Variants in RIPK1 observed in about 807,000 individuals in gnomAD.
RIPK1 encodes the protein receptor interacting serine/threonine kinase 1, also known as receptor-interacting serine/threonine-protein kinase 1.
A neutral mutation model predicts 62.4 loss-of-function variants in RIPK1; 27 were observed. The ratio of observed to expected loss-of-function variants is 0.43; its 90% CI spans 0.32 to 0.60. RIPK1 has a LOEUF of 0.60. Among genes scored for constraint, RIPK1 ranks in the 20% least tolerant of loss-of-function variants. The probability of loss-of-function intolerance (pLI) is 0.07; values close to 1 mark genes in which losing one functional copy is unlikely to be tolerated. For synonymous variants in RIPK1, 287 were observed against 303.2 expected (o/e 0.95, Z 0.55); for missense variants, 735 against 831.0 (o/e 0.88, Z 1.42).
At position 3,113,018 on chromosome 6, in the gene RIPK1, T is replaced by C; in HGVS notation, c.1730-35T>C. The C allele has an allele frequency of 6.6e-7, 1 of 1,506,974 alleles. No individual in the cohort carries two copies. Among genetic ancestry groups the C allele is most frequent in the Non-Finnish European group, 8.9e-7 (1 of 1,126,366 alleles). The allele number at this position is 1,506,974 out of a possible 1,614,324, so 93.4% of individuals were successfully genotyped here. A position where few individuals can be genotyped will look rare whatever the true frequency, so the allele number is the denominator to read the frequency against. Reference sequence around the variant, plus strand: ...GAAGCTGGAATGTTTGAATGGGTTTTAGCTTGATACCTTCTTCTTTTTCCC... The same window carrying C: ...GAAGCTGGAATGTTTGAATGGGTTTCAGCTTGATACCTTCTTCTTTTTCCC... On this transcript the variant is annotated intron_variant, in intron 10 of 10. Transcript: ENST00000259808. The surrounding 1 kb of genome is among the most constrained non-coding windows in gnomAD (Gnocchi z 5.0).
chr6:3,109,607 T>G (rs1413988167), intron 9 of RIPK1, among the ~76,000 whole-genome samples: 4 of 152,228 alleles, frequency 2.6e-5, no homozygotes, highest in Non-Finnish European at 5.9e-5. Flanking sequence ...TTCTGTTTTC[T>G]GACTTGGTGT....
chr6:3,090,795 G>GCA (rs1760025203), intron 7 of RIPK1, among the ~76,000 whole-genome samples: 1 of 128,706 alleles, frequency 7.8e-6, no homozygotes, highest in African/African-American at 3.3e-5. Context: ...ACCGCAGAGC[G>GCA]CCTACCTGCC....
intron 7 of RIPK1, among the ~76,000 whole-genome samples, chr6:3,099,235 G>A (rs1041049066): frequency 6.6e-6 from 1 of 152,194 alleles, no homozygotes; most frequent in African/African-American, 2.4e-5. Context: ...ATATTTAATA[G>A]AGTGCCTACA....
rs377098078 is a variant in RIPK1 at position 3,105,713 on chromosome 6, G to A, written c.1238G>A (p.Arg413His). 11 of 1,613,528 alleles carry A rather than the reference G, an allele frequency of 6.8e-6. No homozygotes were observed. In the African/African-American group the frequency reaches 9.3e-5, roughly 14 times the overall value. Residue 413 changes from arginine to histidine, a missense_variant, in exon 9 of 11, where the codon CGC (arginine) becomes CAC (histidine). Physicochemically the swap from Arg to His is conservative, Grantham distance 29. Coordinates refer to ENST00000259808, the MANE Select transcript of RIPK1 (RefSeq NM_001354930.2). This position sits in a 1 kb window ranked among gnomAD's most constrained non-coding sequence, Gnocchi z 4.5. ...VAYNREEERR[R>H]RVSHDPFAQQ... ...TACAACAGAGAGGAGGAAAGGAGAC[G>A]CAGGGTCTCCCATGACCCTTTTGCA...
chr6:3,098,931 G>A (rs778315084), intron 7 of RIPK1, among the ~76,000 whole-genome samples: 1 of 152,178 alleles, frequency 6.6e-6, no homozygotes, highest in South Asian at 2.1e-4. Context: ...TTATCCCCTC[G>A]CCTTTCTCAG....
At position 3,105,943 on chromosome 6, in the gene RIPK1, T is replaced by C; in HGVS notation, c.1468T>C (p.Tyr490His). Residue 490 changes from tyrosine to histidine, a missense_variant, in exon 9 of 11, where the codon TAC becomes CAC. Physicochemically the swap from Tyr to His is moderately conservative, Grantham distance 83. Coordinates refer to ENST00000259808, the MANE Select transcript of RIPK1 (RefSeq NM_001354930.2). This position sits in a 1 kb window ranked among gnomAD's most constrained non-coding sequence, Gnocchi z 4.5. Reference protein sequence around the residue: ...DPGTAGPRVWYRPIPSHMPSL... With the variant: ...DPGTAGPRVWHRPIPSHMPSL... Reference sequence around the variant, plus strand: ...AGGAACAGCAGGTCCCAGAGTTTGGTACAGGCCAATTCCAAGTCATATGCC... The same window carrying C: ...AGGAACAGCAGGTCCCAGAGTTTGGCACAGGCCAATTCCAAGTCATATGCC... 1.2e-6 allele frequency: 2 copies of C among 1,614,096 alleles called. No individual in the cohort carries two copies. The highest frequency in any genetic ancestry group is 1.7e-6 in the Non-Finnish European group (2 of 1,179,980).
chr6:3,070,863 A>C (rs561456560), intron 1 of RIPK1, among the ~76,000 whole-genome samples: 7 of 152,364 alleles, frequency 4.6e-5, no homozygotes, highest in African/African-American at 1.7e-4. Context: ...ATTATTTGCT[A>C]TCTAGAGAAG....
Position 3,077,953 on chromosome 6 carries a change from G to A in RIPK1, c.321+18G>A, listed in dbSNP as rs751555937. 12 of 1,612,190 alleles carry A rather than the reference G, an allele frequency of 7.4e-6. No individual in the cohort carries two copies. Among genetic ancestry groups the A allele is most frequent in the African/African-American group, 6.7e-5 (5 of 74,920 alleles). ...AAGCCGAGGTAGAGAGGGCCCCTCC[G>A]CACGGGGATCCCCAGCGCTTGGGCC... is the stretch of plus-strand genomic sequence containing the variant. On this transcript the variant is annotated intron_variant, in intron 3 of 10. Coordinates refer to ENST00000259808, the MANE Select transcript of RIPK1 (RefSeq NM_001354930.2).
chr6:3,110,860 A>C lies in RIPK1; in HGVS notation c.1634A>C (p.Asn545Thr), dbSNP rs756008869. ...NSTGIQIGAY[N>T]YMEIGGTSSS... ...ACTGGCATTCAGATTGGAGCCTACA[A>C]TTATATGGAGATTGGTGGGACGAGT... Residue 545 changes from asparagine to threonine, a missense_variant, in exon 10 of 11, where the codon AAT (asparagine) becomes ACT (threonine). Transcript: ENST00000259808. The C allele has an allele frequency of 4.9e-5, 78 of 1,602,838 alleles. No individual in the cohort carries two copies. In the Middle Eastern group the frequency reaches 1.2e-3, roughly 24 times the overall value.
At position 3,109,441 on chromosome 6, in the gene RIPK1, CAA is replaced by C. The variant is rs1292096230; in HGVS notation, c.1577-1361_1577-1360del. Among the ~76,000 whole-genome samples, 9 of 152,094 alleles carry C rather than the reference CAA, an allele frequency of 5.9e-5. No homozygotes were observed. The East Asian group carries it at 1.6e-3, about 26-fold the overall frequency. On this transcript the variant is annotated intron_variant, in intron 9 of 10. Transcript: ENST00000259808. Reference sequence around the variant, plus strand: ...GAAACAGTGAAAGGAAGATCAGAGACAAGAGGGTAGGGCAGAGCTGTGGCTAG... The same window carrying C: ...GAAACAGTGAAAGGAAGATCAGAGACGAGGGTAGGGCAGAGCTGTGGCTAG...
upstream of RIPK1, among the ~76,000 whole-genome samples, chr6:3,065,327 G>A (rs1581363732): frequency 6.6e-6 from 1 of 151,128 alleles, no homozygotes; most frequent in African/African-American, 2.4e-5. Context: ...GGCTGTGGCG[G>A]GGGTGGCTGG....
intron 9 of RIPK1, among the ~76,000 whole-genome samples, chr6:3,107,484 G>C (rs1424326287): frequency 7.1e-6 from 1 of 140,628 alleles, no homozygotes; most frequent in Non-Finnish European, 1.5e-5. Flanking sequence ...AGAATCACTT[G>C]AACCCGGGAG....
At position 3,104,325 on chromosome 6, in the gene RIPK1, A is replaced by C. The variant is rs1760724622; in HGVS notation, c.1006+10A>C. 7.1e-7 allele frequency: 1 copy of C among 1,411,992 alleles called. No individual in the cohort carries two copies. Among genetic ancestry groups the C allele is most frequent in the Non-Finnish European group, 1.0e-6 (1 of 996,952 alleles). The allele number at this position is 1,411,992 out of a possible 1,614,324, so 87.5% of individuals were successfully genotyped here. A position where few individuals can be genotyped will look rare whatever the true frequency, so the allele number is the denominator to read the frequency against. On this transcript the variant is annotated intron_variant, in intron 8 of 10. Coordinates refer to ENST00000259808, the MANE Select transcript of RIPK1 (RefSeq NM_001354930.2). ...AGCCGGTCAAATTCAGGTAAATTAC[A>C]CTATGGTCAAAATCTATTCATTTAT...
chr6:3,076,720 A>G, intron 1 of RIPK1, 44 bp from the exon 2 acceptor site: 1 of 527,230 alleles, frequency 1.9e-6, no homozygotes, highest in Non-Finnish European at 3.0e-6. Flanking sequence ...ATATATATAT[A>G]TATATAGTCT....
chr6:3,110,925 G>C lies in RIPK1; in HGVS notation c.1699G>C (p.Glu567Gln). 1 of 1,613,428 alleles carries C rather than the reference G, an allele frequency of 6.2e-7. No individual in the cohort carries two copies. Among genetic ancestry groups the C allele is most frequent in the African/African-American group, 1.3e-5 (1 of 75,034 alleles). Reference protein sequence around the residue: ...LDSTNTNFKEEPAAKYQAIFD... With the variant: ...LDSTNTNFKEQPAAKYQAIFD... ...CAGCACAAATACGAACTTCAAAGAA[G>C]AGCCAGCTGCTAAGTACCAAGCTAT... is the stretch of plus-strand genomic sequence containing the variant. The change falls in exon 10 of 11, where the codon GAG becomes CAG. Residue 567 changes from glutamate (E) to glutamine (Q), a missense_variant. Glu to Gln is a conservative substitution (Grantham distance 29). Around this residue, in one of 2 missense-constraint regions of RIPK1, gnomAD observed 671 missense variants for 726.2 expected, o/e 0.92. Coordinates refer to ENST00000259808, the MANE Select transcript of RIPK1 (RefSeq NM_001354930.2).
chr6:3,103,901 T>C lies in RIPK1; in HGVS notation c.916-324T>C, dbSNP rs11969784. On this transcript the variant is annotated intron_variant, in intron 7 of 10. Coordinates refer to ENST00000259808, the MANE Select transcript of RIPK1 (RefSeq NM_001354930.2). ...TCTTGGCAACCTTGTCAAAAATCAATTGGCCATTTATAGGAGGGTTTATTC... is the reference window on the plus strand; with the variant it reads ...TCTTGGCAACCTTGTCAAAAATCAACTGGCCATTTATAGGAGGGTTTATTC... 5.3e-3 allele frequency among the ~76,000 whole-genome samples: 802 copies of C among 152,254 alleles called. 7 individuals carry two copies. The highest frequency in any genetic ancestry group is 0.019 in the African/African-American group (785 of 41,534).
At chr6:3,067,163 T>C (rs1193825832), upstream of RIPK1, among the ~76,000 whole-genome samples, 1 of 151,178 alleles carries the variant, frequency 6.6e-6, no homozygotes, top group Non-Finnish European at 1.5e-5. Flanking sequence ...AAGTGATATC[T>C]TGGATGCCCT....
intron 8 of RIPK1, among the ~76,000 whole-genome samples, chr6:3,104,814 C>T (rs1199289537): frequency 6.6e-6 from 1 of 152,126 alleles, no homozygotes; most frequent in East Asian, 1.9e-4. Context: ...TAGGGCTCTT[C>T]AAGAATGAAA....
Position 3,105,992 on chromosome 6 carries a change from C to T in RIPK1, c.1517C>T (p.Pro506Leu), listed in dbSNP as rs1479664227. ...HMPSLHNIPV[P>L]ETNYLGNTPT... ...CCTAGTCTGCATAATATCCCAGTGC[C>T]TGAGACCAACTATCTAGGAAATACA... The change falls in exon 9 of 11, where the codon CCT (proline) becomes CTT (leucine). Residue 506 changes from proline to leucine, a missense_variant. Pro to Leu is a moderately conservative substitution (Grantham distance 98). Transcript: ENST00000259808. This position sits in a 1 kb window ranked among gnomAD's most constrained non-coding sequence, Gnocchi z 4.5. 1 of 1,613,900 alleles carries T rather than the reference C, an allele frequency of 6.2e-7. No homozygotes were observed. The highest frequency in any genetic ancestry group is 1.3e-5 in the African/African-American group (1 of 74,928).
Sources: allele counts gnomAD v4.1 joint callset (sites outside exome capture counted in the v4.1 genomes callset), GRCh38; gene constraint gnomAD v4.1.1; regional missense constraint gnomAD v4.1.1; non-coding constraint Gnocchi (gnomAD v3.1); transcripts MANE v1.5; gene names NCBI Gene and HGNC (gene_info 2026-07-23, HGNC 2026-07-21).